The following SPAG17 variants were observed in gnomAD, a reference collection of about 807,000 sequenced individuals.
SPAG17 encodes the protein sperm associated antigen 17.
A neutral mutation model predicts 273.6 loss-of-function variants in SPAG17; 169 were observed. That is an observed-to-expected ratio of 0.62 (90% CI 0.55 to 0.70). The LOEUF (loss-of-function observed/expected upper bound fraction) is 0.70. Ranked by LOEUF, SPAG17 falls within the 30% of genes least tolerant of loss-of-function variation. The probability of loss-of-function intolerance (pLI) is 0.00; values close to 1 mark genes in which losing one functional copy is unlikely to be tolerated. For missense variants in SPAG17, 2,557 were observed against 2,627.8 expected (o/e 0.97, Z 0.59); for synonymous variants, 825 against 873.2 (o/e 0.94, Z 0.97).
At chr1:118,166,872 A>G (rs1233774465) in intron 1 of SPAG17, among the ~76,000 whole-genome samples, 1 of 152,182 alleles carries the variant, frequency 6.6e-6, no homozygotes, top group Non-Finnish European at 1.5e-5. Flanking sequence ...TTTTCCAAAA[A>G]GTTTGCTTTC....
intron 34 of SPAG17, among the ~76,000 whole-genome samples, chr1:117,995,695 AACACAC>A (rs10570645): frequency 0.018 from 2,510 of 140,800 alleles, 58 homozygotes; most frequent in Admixed American, 0.074. Flanking sequence ...AAGATGAAAT[AACACAC>A]ACACACACAC....
chr1:118,038,888 A>T (rs1649401333), intron 23 of SPAG17, among the ~76,000 whole-genome samples: 1 of 152,094 alleles, frequency 6.6e-6, no homozygotes, highest in Non-Finnish European at 1.5e-5. Context: ...AATGCACAAC[A>T]CCAAGGGTAA....
intron 28 of SPAG17, among the ~76,000 whole-genome samples, chr1:118,019,455 G>A (rs1557914856): frequency 6.6e-6 from 1 of 151,462 alleles, no homozygotes; most frequent in Non-Finnish European, 1.5e-5. Context: ...GAGAACCAAA[G>A]CATAGAAGTA....
intron 4 of SPAG17, among the ~76,000 whole-genome samples, chr1:118,110,714 A>G (rs1449849496): frequency 1.3e-5 from 2 of 152,162 alleles, no homozygotes; most frequent in East Asian, 1.9e-4. Flanking sequence ...GTTAAATGCA[A>G]TGTAATTAAT....
chr1:118,145,358 T>C (rs964562744), intron 3 of SPAG17, among the ~76,000 whole-genome samples: 6 of 152,204 alleles, frequency 3.9e-5, no homozygotes, highest in African/African-American at 1.4e-4. Flanking sequence ...GTGTTCTCAC[T>C]TGTCAATTAC....
chr1:118,046,291 C>T (rs1227685669), intron 20 of SPAG17, among the ~76,000 whole-genome samples: 2 of 152,022 alleles, frequency 1.3e-5, no homozygotes, highest in African/African-American at 4.8e-5. Context: ...GAGTTATAAT[C>T]ACGCCACTGC....
intron 1 of SPAG17, among the ~76,000 whole-genome samples, chr1:118,156,226 C>G (rs1195467495): frequency 6.6e-6 from 1 of 152,194 alleles, no homozygotes; most frequent in South Asian, 2.1e-4. Flanking sequence ...GTTTTCTCAT[C>G]TAGACTGTAA....
chr1:118,136,533 G>A (rs1256141668), intron 3 of SPAG17, among the ~76,000 whole-genome samples: 1 of 152,136 alleles, frequency 6.6e-6, no homozygotes, highest in African/African-American at 2.4e-5. Flanking sequence ...AATTCAACAG[G>A]CGGGTGTGGG....
chr1:118,183,147 CCT>C (rs1661023846), intron 1 of SPAG17, among the ~76,000 whole-genome samples: 2 of 152,220 alleles, frequency 1.3e-5, no homozygotes, highest in African/African-American at 4.8e-5. Flanking sequence ...GGAATTCTTT[CCT>C]TCTCTCTCAC....
intron 15 of SPAG17, among the ~76,000 whole-genome samples, chr1:118,078,990 ATGT>A (rs1229122542): frequency 6.6e-6 from 1 of 152,022 alleles, no homozygotes; most frequent in East Asian, 1.9e-4. Flanking sequence ...TTTTGCATCT[ATGT>A]TCGTGAATGA....
chr1:117,997,704 A>C (rs113141380), intron 32 of SPAG17, among the ~76,000 whole-genome samples: 58 of 152,136 alleles, frequency 3.8e-4, no homozygotes, highest in African/African-American at 1.3e-3. Flanking sequence ...CAGCTACTCA[A>C]CTCTGCCATT....
chr1:117,957,018 TAAC>T (rs759674192), intron 48 of SPAG17: 25 of 1,485,642 alleles, frequency 1.7e-5, no homozygotes, highest in Non-Finnish European at 3.6e-6. Flanking sequence ...TTGACCATGT[TAAC>T]AACGTTAACA....
At chr1:118,124,088 T>C (rs1312403003) in intron 3 of SPAG17, among the ~76,000 whole-genome samples, 3 of 152,182 alleles carry the variant, frequency 2.0e-5, no homozygotes, top group African/African-American at 7.2e-5. Context: ...ACTTGCAAAA[T>C]GTATAAAGGC....
intron 17 of SPAG17, among the ~76,000 whole-genome samples, chr1:118,069,016 CA>C (rs1427866165): frequency 6.6e-6 from 1 of 151,968 alleles, no homozygotes; most frequent in Non-Finnish European, 1.5e-5. Context: ...AGCAGGTAAT[CA>C]GGAGGATATT....
intron 48 of SPAG17, chr1:117,959,572 C>T (rs753459591): frequency 2.8e-6 from 3 of 1,059,572 alleles, no homozygotes; most frequent in Non-Finnish European, 3.8e-6. Flanking sequence ...CAGATGATAT[C>T]AGGATGTGGT....
At chr1:117,956,462 G>GACAA (rs1652210826) in intron 48 of SPAG17, among the ~76,000 whole-genome samples, 2 of 152,074 alleles carry the variant, frequency 1.3e-5, no homozygotes, top group African/African-American at 2.4e-5. Context: ...CTTCACTACA[G>GACAA]GAATGTAAAA....
intron 32 of SPAG17, among the ~76,000 whole-genome samples, chr1:117,999,463 AT>A (rs1658026265): frequency 6.6e-6 from 1 of 152,112 alleles, no homozygotes; most frequent in Non-Finnish European, 1.5e-5. Flanking sequence ...AAGTGTTCCT[AT>A]TTCTCCACAT....
At chr1:118,154,766 G>A (rs900821899) in intron 1 of SPAG17, among the ~76,000 whole-genome samples, 4 of 152,242 alleles carry the variant, frequency 2.6e-5, no homozygotes, top group Admixed American at 2.6e-4. Context: ...AACAAGGGTA[G>A]ACCATTGTGG....
intron 3 of SPAG17, among the ~76,000 whole-genome samples, chr1:118,127,121 G>C (rs903457121): frequency 1.3e-5 from 2 of 152,178 alleles, no homozygotes; most frequent in African/African-American, 4.8e-5. Context: ...GTAGTATGAA[G>C]CCTCCACTTT....
Sources: gnomAD v4.1 joint callset for allele counts (sites outside exome capture counted in the v4.1 genomes callset) on GRCh38, gnomAD v4.1.1 for gene constraint, MANE v1.5 for transcripts, NCBI Gene and HGNC (gene_info 2026-07-23, HGNC 2026-07-21) for gene names.